FRMD4B: variants seen among roughly 807,000 people sequenced by gnomAD.
FRMD4B encodes FERM domain-containing protein 4B.
Under a neutral mutation model 141.5 loss-of-function variants are expected in FRMD4B, and 74 were observed. That is an observed-to-expected ratio of 0.52 (90% CI 0.43 to 0.63). The LOEUF is 0.63. Among genes scored for constraint, FRMD4B ranks in the 30% least tolerant of loss-of-function variants. FRMD4B has a pLI of 0.00. For synonymous variants in FRMD4B, 506 were observed against 467.9 expected (o/e 1.08, Z -1.05); for missense variants, 1,366 against 1,253.4 (o/e 1.09, Z -1.36).
chr3:69,474,520 G>A (rs1464295030), intron 1 of FRMD4B, among the ~76,000 whole-genome samples: 1 of 152,164 alleles, frequency 6.6e-6, no homozygotes, highest in Non-Finnish European at 1.5e-5. Flanking sequence ...GAAAGCCAGG[G>A]AAACAGTGGA....
intron 1 of FRMD4B, among the ~76,000 whole-genome samples, chr3:69,320,380 C>T (rs1296627447): frequency 1.3e-5 from 2 of 152,030 alleles, no homozygotes; most frequent in African/African-American, 4.8e-5. Context: ...ATTGTTTGAG[C>T]CCAGGAGTTT....
At chr3:69,273,782 G>A (rs977971113) in intron 5 of FRMD4B, among the ~76,000 whole-genome samples, 5 of 152,140 alleles carry the variant, frequency 3.3e-5, no homozygotes, top group African/African-American at 9.7e-5. Context: ...GGTCTTAAGA[G>A]GTAGTGCAGT....
intron 5 of FRMD4B, among the ~76,000 whole-genome samples, chr3:69,282,832 TCAC>T (rs2093650308): frequency 6.6e-6 from 1 of 151,960 alleles, no homozygotes; most frequent in Non-Finnish European, 1.5e-5. Context: ...AAACAGGGTT[TCAC>T]CATGTTGGCC....
At chr3:69,403,753 T>C (rs897761275) in intron 2 of FRMD4B, among the ~76,000 whole-genome samples, 3 of 152,174 alleles carry the variant, frequency 2.0e-5, no homozygotes, top group African/African-American at 4.8e-5. Context: ...TTATGAAGTA[T>C]AGTACAGCAT....
intron 11 of FRMD4B, among the ~76,000 whole-genome samples, chr3:69,213,047 TG>T (rs1559722044): frequency 6.6e-6 from 1 of 152,156 alleles, no homozygotes; most frequent in Non-Finnish European, 1.5e-5. Flanking sequence ...CCATCAAAAG[TG>T]AAGTGGTTAA....
At chr3:69,395,987 A>T (rs1967033) in intron 2 of FRMD4B, among the ~76,000 whole-genome samples, 39,848 of 152,160 alleles carry the variant, frequency 0.26, 5,877 homozygotes, top group East Asian at 0.46. Context: ...CAGTTCCATT[A>T]TCTCAGTCTG....
At chr3:69,443,234 G>A (rs1705366000) in intron 1 of FRMD4B, among the ~76,000 whole-genome samples, 1 of 152,108 alleles carries the variant, frequency 6.6e-6, no homozygotes, top group South Asian at 2.1e-4. Flanking sequence ...CTAACTAATG[G>A]AACCTCCATA....
At chr3:69,462,702 C>A (rs1425245259) in intron 1 of FRMD4B, among the ~76,000 whole-genome samples, 2 of 152,220 alleles carry the variant, frequency 1.3e-5, no homozygotes. Context: ...TTGTTTCTGG[C>A]CTGAGAGGCC....
At chr3:69,298,262 T>C (rs1231490261) in intron 4 of FRMD4B, among the ~76,000 whole-genome samples, 1 of 152,272 alleles carries the variant, frequency 6.6e-6, no homozygotes, top group Non-Finnish European at 1.5e-5. Flanking sequence ...ATTTGCATAA[T>C]GTTTTGCAAA....
At chr3:69,243,210 T>C (rs999484339) in intron 7 of FRMD4B, among the ~76,000 whole-genome samples, 7 of 152,162 alleles carry the variant, frequency 4.6e-5, no homozygotes, top group African/African-American at 1.7e-4. Flanking sequence ...ACTCCACTAT[T>C]TTAATTAACT....
chr3:69,346,439 T>A (rs1220130762), intron 1 of FRMD4B, among the ~76,000 whole-genome samples: 7 of 152,150 alleles, frequency 4.6e-5, no homozygotes, highest in African/African-American at 1.7e-4. Flanking sequence ...TTCCCCAACC[T>A]AGCAGGGCAG....
chr3:69,443,746 T>C (rs1175951350), intron 1 of FRMD4B, among the ~76,000 whole-genome samples: 2 of 152,230 alleles, frequency 1.3e-5, no homozygotes, highest in African/African-American at 4.8e-5. Context: ...ATTTGGTTTA[T>C]AGTTTAAGCT....
chr3:69,398,294 C>T (rs968725207), intron 2 of FRMD4B, among the ~76,000 whole-genome samples: 1 of 152,058 alleles, frequency 6.6e-6, no homozygotes, highest in Admixed American at 6.6e-5. Context: ...ATAATAATTA[C>T]ATATTTATGG....
intron 1 of FRMD4B, among the ~76,000 whole-genome samples, chr3:69,353,970 A>AGAT (rs1359315681): frequency 2.0e-5 from 3 of 152,246 alleles, no homozygotes; most frequent in African/African-American, 7.2e-5. Context: ...AATTATTCAG[A>AGAT]GATAGGCGAT....
chr3:69,437,554 T>C (rs1044746807), intron 1 of FRMD4B, among the ~76,000 whole-genome samples: 5 of 143,084 alleles, frequency 3.5e-5, no homozygotes, highest in African/African-American at 1.3e-4. Context: ...TTAATTAAAA[T>C]ATATAATATG....
intron 2 of FRMD4B, among the ~76,000 whole-genome samples, chr3:69,413,601 C>A (rs1704797722): frequency 6.6e-6 from 1 of 152,186 alleles, no homozygotes; most frequent in Non-Finnish European, 1.5e-5. Context: ...GTCATTAAAT[C>A]CTAGCAGTGG....
At chr3:69,466,066 CTTTT>C (rs998601892) in intron 1 of FRMD4B, among the ~76,000 whole-genome samples, 37 of 150,260 alleles carry the variant, frequency 2.5e-4, no homozygotes, top group Admixed American at 8.0e-4. Flanking sequence ...TGTTTCCTGA[CTTTT>C]TTTTTTCTCA....
In FRMD4B at chr3:69,218,822, T is replaced by C. The variant is rs2093165818; in HGVS notation, c.732-443A>G. Among the ~76,000 whole-genome samples the C allele has an allele frequency of 1.3e-5, 2 of 152,304 alleles. 1 individual carries two copies. The highest frequency in any genetic ancestry group is 4.1e-4 in the South Asian group (2 of 4,826). Reference sequence around the variant, plus strand: ...ACATCTGTCAAAACTCCTAGAAATATATACTTTAAAACTATGAATTATGGT... The same window carrying C: ...ACATCTGTCAAAACTCCTAGAAATACATACTTTAAAACTATGAATTATGGT... On this transcript the variant is annotated intron_variant, in intron 9 of 22. Coordinates refer to ENST00000398540, the MANE Select transcript of FRMD4B (RefSeq NM_015123.3).
chr3:69,384,908 A>G (rs1049945166), intron 1 of FRMD4B, among the ~76,000 whole-genome samples: 2 of 152,230 alleles, frequency 1.3e-5, no homozygotes, highest in African/African-American at 4.8e-5. Context: ...GGGGAAATCC[A>G]GGAACTGCAA....
Sources: allele counts gnomAD v4.1 joint callset (sites outside exome capture counted in the v4.1 genomes callset), GRCh38; gene constraint gnomAD v4.1.1; transcripts MANE v1.5; gene names NCBI Gene and HGNC (gene_info 2026-07-23, HGNC 2026-07-21).